The following SPATA31G1 variants were observed in gnomAD, a reference collection of about 807,000 sequenced individuals.
SPATA31G1 encodes SPATA31 subfamily G member 1.
chr9:35,043,314 T>C, the SPATA31G1 span: 1 of 1,614,210 alleles, frequency 6.2e-7, no homozygotes, highest in East Asian at 2.2e-5. Context: ...TTCTTCTGTC[T>C]TCTTCAACAA....
chr9:35,042,133 AT>A, the SPATA31G1 span: 58 of 1,436,586 alleles, frequency 4.0e-5, no homozygotes, highest in Non-Finnish European at 4.1e-5. Flanking sequence ...GATAGAGGAA[AT>A]TTTTTTTGGT....
chr9:35,043,888 C>A, the SPATA31G1 span: 1 of 1,614,180 alleles, frequency 6.2e-7, no homozygotes, highest in Non-Finnish European at 8.5e-7. Flanking sequence ...AGAGAAAACT[C>A]AGGAAACCTC....
At chr9:35,044,361 ATGGGGGTCC>A in the SPATA31G1 span, 1 of 1,613,960 alleles carries the variant, frequency 6.2e-7, no homozygotes, top group East Asian at 2.2e-5. Flanking sequence ...AGTTAGATCC[ATGGGGGTCC>A]TGTCTGATTC....
the SPATA31G1 span, chr9:35,043,657 C>G: frequency 1.9e-6 from 3 of 1,614,200 alleles, no homozygotes; most frequent in Non-Finnish European, 2.5e-6. Flanking sequence ...ATGCCACCCC[C>G]CTGCCAATCC....
the SPATA31G1 span, chr9:35,042,206 C>G: frequency 6.3e-7 from 1 of 1,588,246 alleles, no homozygotes; most frequent in African/African-American, 1.3e-5. Flanking sequence ...GTTCTTTGTT[C>G]TGTGATGCAA....
chr9:35,045,343 T>C, the SPATA31G1 span: 23 of 1,614,078 alleles, frequency 1.4e-5, no homozygotes, highest in Non-Finnish European at 1.9e-5. Flanking sequence ...GGGCCATGTG[T>C]ACACATGGAG....
At chr9:35,045,400 CTA>C in the SPATA31G1 span, 1 of 1,614,130 alleles carries the variant, frequency 6.2e-7, no homozygotes, top group South Asian at 1.1e-5. Context: ...CCCTCAAACT[CTA>C]AGGTTCTGGT....
chr9:35,043,424 G>A, the SPATA31G1 span: 46 of 1,614,058 alleles, frequency 2.8e-5, no homozygotes, highest in Admixed American at 1.7e-4. Context: ...ATCTAGAAGG[G>A]ATGGCCCCCG....
chr9:35,045,322 T>A, the SPATA31G1 span: 1 of 1,613,956 alleles, frequency 6.2e-7, no homozygotes, highest in Non-Finnish European at 8.5e-7. Flanking sequence ...GTGAGCCAGG[T>A]CCCATCCCAA....
the SPATA31G1 span, chr9:35,043,599 T>G: frequency 7.4e-6 from 12 of 1,614,126 alleles, no homozygotes; most frequent in Admixed American, 1.5e-4. Flanking sequence ...TGAGACTCAT[T>G]TGGAAACCAC....
At chr9:35,044,129 C>G in the SPATA31G1 span, 1 of 1,614,150 alleles carries the variant, frequency 6.2e-7, no homozygotes, top group Non-Finnish European at 8.5e-7. Context: ...TGTGGGAGAC[C>G]ATGGGGCAGA....
the SPATA31G1 span, chr9:35,041,854 C>T: frequency 5.9e-6 from 1 of 169,662 alleles, no homozygotes. Context: ...GCCTGGGTGA[C>T]ACAGTGAGAT....
At chr9:35,043,744 T>G in the SPATA31G1 span, 1 of 1,614,180 alleles carries the variant, frequency 6.2e-7, no homozygotes, top group Non-Finnish European at 8.5e-7. Context: ...TGGGGAACCG[T>G]GGGATACAGA....
the SPATA31G1 span, chr9:35,044,086 GC>G: frequency 6.2e-7 from 1 of 1,613,920 alleles, no homozygotes; most frequent in African/African-American, 1.3e-5. Context: ...CTAGTAATGG[GC>G]CCCCAGGGAG....
At chr9:35,043,392 C>T in the SPATA31G1 span, 1 of 1,614,220 alleles carries the variant, frequency 6.2e-7, no homozygotes, top group Non-Finnish European at 8.5e-7. Context: ...GTTTTCTACC[C>T]ATGGGGCCCA....
At chr9:35,043,214 C>T in the SPATA31G1 span, 3 of 1,614,224 alleles carry the variant, frequency 1.9e-6, no homozygotes, top group Non-Finnish European at 2.5e-6. Context: ...AAAGCCAGCT[C>T]TTCTGGGGTC....
chr9:35,045,210 T>A, the SPATA31G1 span: 10 of 1,614,086 alleles, frequency 6.2e-6, no homozygotes, highest in Non-Finnish European at 8.5e-6. Context: ...TGTCCAGTCC[T>A]CCCACTGTCA....
chr9:35,044,356 G>A, the SPATA31G1 span: 2 of 1,614,060 alleles, frequency 1.2e-6, no homozygotes, highest in Non-Finnish European at 1.7e-6. Flanking sequence ...CTCAGAGTTA[G>A]ATCCATGGGG....
chr9:35,043,189 G>A, the SPATA31G1 span: 85 of 1,614,170 alleles, frequency 5.3e-5, no homozygotes, highest in African/African-American at 8.5e-4. Context: ...TCAGGGAACC[G>A]CCAGCAGCAG....
Sources: gnomAD v4.1 joint callset for allele counts on GRCh38, gnomAD v4.1.1 for gene constraint, MANE v1.5 for transcripts, NCBI Gene and HGNC (gene_info 2026-07-23, HGNC 2026-07-21) for gene names.